ABTB2: variants seen among roughly 807,000 people sequenced by gnomAD.
The protein encoded by ABTB2 is ankyrin repeat and BTB/POZ domain-containing protein 2.
A neutral mutation model predicts 104.1 loss-of-function variants in ABTB2; 56 were observed. The observed-to-expected ratio is 0.54, with a 90% confidence interval of 0.43 to 0.67. The LOEUF is 0.67. ABTB2 is among the 30% of genes least tolerant of loss of function. The probability of loss-of-function intolerance (pLI) is 0.00; values close to 1 mark genes in which losing one functional copy is unlikely to be tolerated. For synonymous variants in ABTB2, 606 were observed against 608.2 expected (o/e 1.00, Z 0.05); for missense variants, 1,279 against 1,407.7 (o/e 0.91, Z 1.46).
intron 11 of ABTB2, among the ~76,000 whole-genome samples, chr11:34,160,659 A>ACG (rs548995014): frequency 0.011 from 724 of 63,408 alleles, 8 homozygotes; most frequent in Middle Eastern, 0.086. Context: ...GCGAGCGTGC[A>ACG]CGCGCGCGCG....
chr11:34,265,377 T>C (rs1466245158), intron 1 of ABTB2, among the ~76,000 whole-genome samples: 1 of 152,154 alleles, frequency 6.6e-6, no homozygotes, highest in African/African-American at 2.4e-5. Context: ...CCCATCAGAA[T>C]TGGCTGGGCG....
intron 3 of ABTB2, among the ~76,000 whole-genome samples, chr11:34,175,552 A>C (rs1202055236): frequency 6.6e-6 from 1 of 152,246 alleles, no homozygotes; most frequent in Non-Finnish European, 1.5e-5. Context: ...AAAGCTGAAA[A>C]ATTGTAAGTT....
chr11:34,153,247 G>C (rs994377619), intron 16 of ABTB2, among the ~76,000 whole-genome samples: 2 of 152,194 alleles, frequency 1.3e-5, no homozygotes, highest in African/African-American at 2.4e-5. Context: ...CAGAGTGAGG[G>C]GAGATGTGGG....
At chr11:34,332,753 C>T (rs1445991181) in intron 1 of ABTB2, among the ~76,000 whole-genome samples, 1 of 151,846 alleles carries the variant, frequency 6.6e-6, no homozygotes, top group Non-Finnish European at 1.5e-5. Flanking sequence ...GAGGCAAAGG[C>T]AGGAGAACTC....
chr11:34,348,463 A>G (rs1387976656), intron 1 of ABTB2, among the ~76,000 whole-genome samples: 1 of 152,120 alleles, frequency 6.6e-6, no homozygotes, highest in African/African-American at 2.4e-5. Context: ...TCTCCAACAC[A>G]TATGCGTTGG....
chr11:34,317,113 GAACCCTTGGT>G (rs1854942216), intron 1 of ABTB2, among the ~76,000 whole-genome samples: 1 of 152,212 alleles, frequency 6.6e-6, no homozygotes, highest in Non-Finnish European at 1.5e-5. Flanking sequence ...ACACATGCAA[GAACCCTTGGT>G]ACTTCATGCC....
At chr11:34,240,537 G>A (rs997446499) in intron 1 of ABTB2, among the ~76,000 whole-genome samples, 6 of 152,226 alleles carry the variant, frequency 3.9e-5, no homozygotes, top group Non-Finnish European at 7.3e-5. Context: ...CACCTCCAGT[G>A]CCCAGTTCTA....
chr11:34,276,042 C>G (rs892751304), intron 1 of ABTB2, among the ~76,000 whole-genome samples: 3 of 152,134 alleles, frequency 2.0e-5, no homozygotes, highest in Non-Finnish European at 4.4e-5. Context: ...ATTGAGCTCT[C>G]AGAAAATAGA....
At chr11:34,255,431 A>G (rs1854109237) in intron 1 of ABTB2, among the ~76,000 whole-genome samples, 1 of 152,212 alleles carries the variant, frequency 6.6e-6, no homozygotes, top group Non-Finnish European at 1.5e-5. Flanking sequence ...AAAATCCTTT[A>G]AGCTGCTCCA....
intron 1 of ABTB2, among the ~76,000 whole-genome samples, chr11:34,320,683 C>T (rs1401515309): frequency 1.3e-5 from 2 of 152,146 alleles, no homozygotes; most frequent in African/African-American, 4.8e-5. Flanking sequence ...GTCGTGTGTC[C>T]ACATTAGACG....
rs1855466248 is a variant in ABTB2, at chr11:34,356,551, C to CCATGTAATGAACCCTATTA, written c.883+149_883+150insTAATAGGGTTCATTACATG. The CCATGTAATGAACCCTATTA allele has an allele frequency of 2.8e-6, 3 of 1,068,164 alleles. No individual in the cohort carries two copies. Among genetic ancestry groups the CCATGTAATGAACCCTATTA allele is most frequent in the Middle Eastern group, 2.4e-4 (1 of 4,138 alleles). 66.2% of individuals were successfully genotyped at this position (1,068,164 alleles called of 1,614,324 possible). On this transcript the variant is annotated intron_variant, in intron 1 of 16. Coordinates refer to ENST00000435224, the MANE Select transcript of ABTB2 (RefSeq NM_145804.3). The surrounding 1 kb of genome is among the most constrained non-coding windows in gnomAD (Gnocchi z 4.6). ...CCCTTAGAACAATCTCTGGCAAGTG[C>CCATGTAATGAACCCTATTA]CATGTAATGAACCCTATCCTCAGAC...
Position 34,357,087 on chromosome 11 carries a change from T to A in ABTB2, c.497A>T (p.His166Leu), listed in dbSNP as rs1045681197. 40 of 1,521,480 alleles carry A rather than the reference T, an allele frequency of 2.6e-5. No homozygotes were observed. The highest frequency in any genetic ancestry group is 3.4e-5 in the Non-Finnish European group (39 of 1,138,012). The allele number at this position is 1,521,480 out of a possible 1,614,324, so 94.2% of individuals were successfully genotyped here. ...FEVQSAVRLV[H>L]SWALAESCAL... ...GCAGCTCTCGGCCAGCGCCCAGCTG[T>A]GCACCAGGCGCACGGCGCTCTGCAC... is the stretch of plus-strand genomic sequence containing the variant. The change falls in exon 1 of 17, where the codon CAC (histidine) becomes CTC (leucine). Residue 166 changes from histidine to leucine, a missense_variant. Coordinates refer to ENST00000435224, the MANE Select transcript of ABTB2 (RefSeq NM_145804.3).
chr11:34,168,040 A>G (rs1852825637), intron 5 of ABTB2, 48 bp from the exon 6 acceptor site: 3 of 1,571,708 alleles, frequency 1.9e-6, no homozygotes, highest in Non-Finnish European at 1.7e-6. Flanking sequence ...ACAGAACACA[A>G]CACCATGTGC....
intron 1 of ABTB2, among the ~76,000 whole-genome samples, chr11:34,315,755 C>T (rs148919293): frequency 1.2e-3 from 190 of 152,262 alleles, no homozygotes; most frequent in Non-Finnish European, 2.2e-3. Flanking sequence ...TTCAATTTCC[C>T]TTTTCCTATC....
At chr11:34,241,548 GT>G (rs1310291272) in intron 1 of ABTB2, among the ~76,000 whole-genome samples, 1 of 152,182 alleles carries the variant, frequency 6.6e-6, no homozygotes, top group African/African-American at 2.4e-5. Context: ...CAGCAGGACT[GT>G]TTTGCATTTC....
At chr11:34,158,020 C>T (rs887769990) in intron 14 of ABTB2, among the ~76,000 whole-genome samples, 11 of 152,222 alleles carry the variant, frequency 7.2e-5, no homozygotes, top group African/African-American at 2.4e-4. Flanking sequence ...ACATACCTAC[C>T]TCCCTGGAAC....
At chr11:34,316,696 A>C (rs1854935042) in intron 1 of ABTB2, among the ~76,000 whole-genome samples, 1 of 152,230 alleles carries the variant, frequency 6.6e-6, no homozygotes, top group Non-Finnish European at 1.5e-5. Flanking sequence ...TTTTAAAAAA[A>C]AATACAGTGT....
intron 1 of ABTB2, among the ~76,000 whole-genome samples, chr11:34,276,969 C>T (rs1252667696): frequency 2.0e-5 from 3 of 152,068 alleles, no homozygotes; most frequent in Non-Finnish European, 4.4e-5. Flanking sequence ...TGGTGTGATC[C>T]CAGCTTACTG....
In ABTB2 at chr11:34,160,466, T is replaced by A; in HGVS notation, c.2398-113A>T. On this transcript the variant is annotated intron_variant, in intron 11 of 16. Transcript: ENST00000435224. ...CAGGCCAGGAGTAGTGCAGCCGCTATCTTTTGTTCCTGCTGGATGTGGCTT... is the reference window on the plus strand; with the variant it reads ...CAGGCCAGGAGTAGTGCAGCCGCTAACTTTTGTTCCTGCTGGATGTGGCTT... The A allele has an allele frequency of 5.5e-6, 4 of 728,652 alleles. No homozygotes were observed. In the South Asian group the frequency reaches 6.6e-5, roughly 12 times the overall value. The allele number at this position is 728,652 out of a possible 1,614,324, so 45.1% of individuals were successfully genotyped here. A position where few individuals can be genotyped will look rare whatever the true frequency, so the allele number is the denominator to read the frequency against.
Sources: gnomAD v4.1 joint callset for allele counts (sites outside exome capture counted in the v4.1 genomes callset) on GRCh38, gnomAD v4.1.1 for gene constraint, Gnocchi (gnomAD v3.1) non-coding constraint, MANE v1.5 for transcripts, NCBI Gene and HGNC (gene_info 2026-07-23, HGNC 2026-07-21) for gene names.